IGSF11: variants seen among roughly 807,000 people sequenced by gnomAD.
IGSF11 encodes immunoglobulin superfamily member 11, also known as CXADR like 1.
A neutral mutation model predicts 41.0 loss-of-function variants in IGSF11; 22 were observed. The ratio of observed to expected loss-of-function variants is 0.54; its 90% confidence interval spans 0.38 to 0.77. IGSF11 has a LOEUF of 0.77. Ranked by LOEUF, IGSF11 falls within the 30% of genes least tolerant of loss-of-function variation. The pLI, the probability that IGSF11 is intolerant of heterozygous loss-of-function variation, is 0.00. For synonymous variants in IGSF11, 219 were observed against 201.3 expected, an observed-to-expected ratio of 1.09 and a Z score of -0.74; for missense variants, 444 against 530.8, an observed-to-expected ratio of 0.84 and a Z score of 1.61.
chr3:119,082,033 T>C (rs2076594121), intron 1 of IGSF11, among the ~76,000 whole-genome samples: 1 of 152,178 alleles, frequency 6.6e-6, no homozygotes. Flanking sequence ...ACATTCATGG[T>C]CCTGAGATCC....
chr3:119,111,628 T>C (rs938406409), intron 1 of IGSF11, among the ~76,000 whole-genome samples: 5 of 152,112 alleles, frequency 3.3e-5, no homozygotes, highest in African/African-American at 4.8e-5. Context: ...GTTCGGTTGC[T>C]GGTGAGGAAC....
chr3:119,015,665 C>T (rs1262782994), intron 1 of IGSF11, among the ~76,000 whole-genome samples: 1 of 151,862 alleles, frequency 6.6e-6, no homozygotes, highest in Non-Finnish European at 1.5e-5. Context: ...TCTATTTTTG[C>T]CTCTGCTATA....
chr3:119,106,430 T>A (rs933408239), upstream of IGSF11, among the ~76,000 whole-genome samples: 7 of 152,300 alleles, frequency 4.6e-5, no homozygotes, highest in Non-Finnish European at 8.8e-5. Context: ...TTGTTTTCGT[T>A]TCTAGCTCCC....
intron 1 of IGSF11, among the ~76,000 whole-genome samples, chr3:119,064,047 T>C (rs1317613711): frequency 2.0e-5 from 3 of 152,060 alleles, no homozygotes; most frequent in Non-Finnish European, 2.9e-5. Context: ...AGGTCCTTGG[T>C]TGAAAGGAGG....
intron 1 of IGSF11, among the ~76,000 whole-genome samples, chr3:118,935,446 G>T (rs181131464): frequency 3.9e-4 from 58 of 148,212 alleles, no homozygotes; most frequent in Middle Eastern, 3.6e-3. Context: ...GTATATGTGT[G>T]TGTGTACATA....
At chr3:119,072,143 T>G (rs1408613043) in intron 1 of IGSF11, among the ~76,000 whole-genome samples, 1 of 152,238 alleles carries the variant, frequency 6.6e-6, no homozygotes, top group Non-Finnish European at 1.5e-5. Context: ...TGAGATTTCT[T>G]TGTTTCCGTA....
At chr3:119,133,130 A>G (rs7640598) in intron 1 of IGSF11, among the ~76,000 whole-genome samples, 142,936 of 152,198 alleles carry the variant, frequency 0.94, 67,189 homozygotes, top group East Asian at 1. Context: ...ATCTAAAATC[A>G]ACACCATAAC....
At chr3:119,076,715 C>A (rs1559853643) in intron 1 of IGSF11, among the ~76,000 whole-genome samples, 1 of 152,136 alleles carries the variant, frequency 6.6e-6, no homozygotes, top group Non-Finnish European at 1.5e-5. Flanking sequence ...CAGTGAGATA[C>A]CATCTCACAC....
At chr3:118,950,443 G>A (rs1057096723) in intron 1 of IGSF11, among the ~76,000 whole-genome samples, 2 of 152,012 alleles carry the variant, frequency 1.3e-5, no homozygotes, top group Admixed American at 6.6e-5. Context: ...ACAGTATTAT[G>A]ACACAGTAAA....
intron 1 of IGSF11, among the ~76,000 whole-genome samples, chr3:119,019,426 T>C (rs747961076): frequency 1.0e-4 from 15 of 149,172 alleles, no homozygotes; most frequent in Non-Finnish European, 2.1e-4. Context: ...ATGATTAGAT[T>C]GGACTGAATT....
At chr3:119,048,651 G>A (rs1000928344) in intron 1 of IGSF11, among the ~76,000 whole-genome samples, 1 of 151,836 alleles carries the variant, frequency 6.6e-6, no homozygotes, top group Admixed American at 6.6e-5. Flanking sequence ...ATTTTATGAG[G>A]CCAGCATCAT....
At chr3:118,933,151 TGAA>T (rs1000502573) in intron 1 of IGSF11, among the ~76,000 whole-genome samples, 1 of 152,190 alleles carries the variant, frequency 6.6e-6, no homozygotes, top group Non-Finnish European at 1.5e-5. Flanking sequence ...CTGAAATATC[TGAA>T]GAAGAAATAT....
intron 1 of IGSF11, among the ~76,000 whole-genome samples, chr3:119,140,344 T>C (rs1326761588): frequency 6.6e-6 from 1 of 152,110 alleles, no homozygotes; most frequent in Non-Finnish European, 1.5e-5. Flanking sequence ...TGAGACAAAA[T>C]AGATTTTAGG....
intron 1 of IGSF11, among the ~76,000 whole-genome samples, chr3:118,995,623 C>T (rs1196007372): frequency 1.3e-5 from 2 of 151,870 alleles, no homozygotes; most frequent in African/African-American, 4.8e-5. Flanking sequence ...TCAAGGATGA[C>T]TTCCGGGCTT....
chr3:119,127,265 G>A (rs947896639), intron 1 of IGSF11, among the ~76,000 whole-genome samples: 4 of 151,350 alleles, frequency 2.6e-5, no homozygotes, highest in East Asian at 1.9e-4. Flanking sequence ...TCAACCAAGC[G>A]GAAGAAAGGA....
At position 119,019,099 on chromosome 3, in the gene IGSF11, T is replaced by G. The variant is rs563795786; in HGVS notation, c.52+15432A>C. Among the ~76,000 whole-genome samples, 3 of 152,116 alleles carry G rather than the reference T, an allele frequency of 2.0e-5. No individual in the cohort carries two copies. The South Asian group carries it at 6.2e-4, about 32-fold the overall frequency. On this transcript the variant is annotated intron_variant, in intron 1 of 6. Transcript: ENST00000393775. ...TCATTTATTGAGATTCAATAAACCA[T>G]TGCAGTGCAGTTCTTGCAACTGCTT...
rs144279454 is a variant in IGSF11, at chr3:118,957,993, A to G, written c.53-27718T>C. ...CATTAGCAAAATAAGCTAGTTTTAC[A>G]ATAGCTGAAAAGCCCTCCTCATAAA... On this transcript the variant is annotated intron_variant, in intron 1 of 6. Coordinates refer to ENST00000393775, the MANE Select transcript of IGSF11 (RefSeq NM_001015887.3). 9.2e-3 allele frequency among the ~76,000 whole-genome samples: 1,403 copies of G among 152,340 alleles called. 31 individuals carry two copies. Among genetic ancestry groups the G allele is most frequent in the African/African-American group, 0.032 (1,328 of 41,572 alleles).
intron 4 of IGSF11, among the ~76,000 whole-genome samples, chr3:118,922,439 A>C (rs895449785): frequency 1.1e-4 from 17 of 152,084 alleles, no homozygotes; most frequent in African/African-American, 3.9e-4. Context: ...GGCTGGGAAC[A>C]GTTAAGATCT....
At chr3:118,992,110 T>TGAA (rs1285629978) in intron 1 of IGSF11, among the ~76,000 whole-genome samples, 1 of 152,252 alleles carries the variant, frequency 6.6e-6, no homozygotes, top group Non-Finnish European at 1.5e-5. Context: ...AAATCAGTAC[T>TGAA]TTCCAGCAAG....
Sources: allele counts gnomAD v4.1 joint callset (sites outside exome capture counted in the v4.1 genomes callset), GRCh38; gene constraint gnomAD v4.1.1; transcripts MANE v1.5; gene names NCBI Gene and HGNC (gene_info 2026-07-23, HGNC 2026-07-21).